Variants in PRRC2A observed in about 807,000 individuals in gnomAD.
PRRC2A encodes protein PRRC2A.
A neutral mutation model predicts 224.6 loss-of-function variants in PRRC2A; 59 were observed. The ratio of observed to expected loss-of-function variants is 0.26; its 90% CI spans 0.21 to 0.33. The LOEUF (loss-of-function observed/expected upper bound fraction) is 0.33. PRRC2A is among the 10% of genes least tolerant of loss of function. The probability of loss-of-function intolerance (pLI) is 1.00; values close to 1 mark genes in which losing one functional copy is unlikely to be tolerated. For missense variants in PRRC2A, 3,095 were observed against 2,880.7 expected (o/e 1.07, Z -1.70); for synonymous variants, 1,194 against 1,109.5 (o/e 1.08, Z -1.51).
In PRRC2A at chr6:31,636,988, G is replaced by A. The variant is rs751637257; in HGVS notation, c.6147+43G>A. 1.9e-6 allele frequency: 3 copies of A among 1,600,612 alleles called. No individual in the cohort carries two copies. Among genetic ancestry groups the A allele is most frequent in the Admixed American group, 3.4e-5 (2 of 59,056 alleles). On this transcript the variant is annotated intron_variant, in intron 28 of 30. Transcript: ENST00000376033. This position sits in a 1 kb window ranked among gnomAD's most constrained non-coding sequence, Gnocchi z 4.3. Reference sequence around the variant, plus strand: ...AGGGGCTAGGGAGCGCCAAGACTTGGGAGTAGGGATTCTGTATTTCAAGGT... The same window carrying A: ...AGGGGCTAGGGAGCGCCAAGACTTGAGAGTAGGGATTCTGTATTTCAAGGT...
Position 31,629,178 on chromosome 6 carries a change from A to C in PRRC2A, c.1800A>C (p.Glu600Asp). The stretch of plus-strand genomic sequence containing the variant: ...AACTGCCCTCAAAAGAGGGTCCTGA[A>C]CCACCAGAAGAGGTTCCTCCTCCTA... The part of the protein sequence containing the change: ...EPQLPSKEGP[E>D]PPEEVPPPTT... The change falls in exon 13 of 31, where the codon GAA (glutamate) becomes GAC (aspartate). Residue 600 changes from glutamate to aspartate, a missense_variant. Around this residue, in one of 8 missense-constraint regions of PRRC2A, gnomAD observed 2,001 missense variants for 1,764.9 expected, o/e 1.13. Transcript: ENST00000376033. The C allele has an allele frequency of 6.2e-7, 1 of 1,614,102 alleles. No homozygotes were observed. Among genetic ancestry groups the C allele is most frequent in the Non-Finnish European group, 8.5e-7 (1 of 1,180,016 alleles).
intron 3 of PRRC2A, 85 bp downstream of exon 3, chr6:31,623,994 C>T (rs1561795039): frequency 2.0e-6 from 3 of 1,487,536 alleles, no homozygotes; most frequent in Non-Finnish European, 2.7e-6. Flanking sequence ...AGTCCAGCCA[C>T]GTCTGAGCCA....
At position 31,634,917 on chromosome 6, in the gene PRRC2A, T is replaced by C; in HGVS notation, c.5100T>C (p.Gly1700=). 1 of 1,612,826 alleles carries C rather than the reference T, an allele frequency of 6.2e-7. No homozygotes were observed. The highest frequency in any genetic ancestry group is 8.5e-7 in the Non-Finnish European group (1 of 1,179,968). Residue 1700 remains glycine, a synonymous_variant, in exon 21 of 31, where the codon GGT becomes GGC. Coordinates refer to ENST00000376033, the MANE Select transcript of PRRC2A (RefSeq NM_004638.4). ...SSPLNAVPCE[G]PPGSEPPRRP... ...CCCTGAATGCTGTTCCTTGTGAGGG[T>C]CCACCTGGCTCTGAACCTCCTAGGA...
chr6:31,632,608 A>G lies in PRRC2A; in HGVS notation c.3935A>G (p.Gln1312Arg). 3 of 1,613,100 alleles carry G rather than the reference A, an allele frequency of 1.9e-6. No individual in the cohort carries two copies. The highest frequency in any genetic ancestry group is 2.5e-6 in the Non-Finnish European group (3 of 1,180,028). ...GCCAAGTCTCCTGATCTGTCAAACC[A>G]GAACTCAGACCAAGCCAATGAGGAA... ...AAAKSPDLSNQNSDQANEEWE... is the reference protein window; with the variant it reads ...AAAKSPDLSNRNSDQANEEWE... The change falls in exon 16 of 31, where the codon CAG becomes CGG. Residue 1312 changes from glutamine to arginine, a missense_variant. Physicochemically the swap from Gln to Arg is conservative, Grantham distance 43. Around this residue, in one of 8 missense-constraint regions of PRRC2A, gnomAD observed 2,001 missense variants for 1,764.9 expected, o/e 1.13. Coordinates refer to ENST00000376033, the MANE Select transcript of PRRC2A (RefSeq NM_004638.4).
At position 31,631,490 on chromosome 6, in the gene PRRC2A, A is replaced by C. The variant is rs926633712; in HGVS notation, c.2817A>C (p.Pro939=). Residue 939 remains proline, a synonymous_variant, in exon 16 of 31, where the codon CCA becomes CCC. Coordinates refer to ENST00000376033, the MANE Select transcript of PRRC2A (RefSeq NM_004638.4). This position sits in a 1 kb window ranked among gnomAD's most constrained non-coding sequence, Gnocchi z 4.5. ...RPGSSRRGIP[P]EEPGAPPRRA... is the part of the protein sequence containing the mutation. The stretch of plus-strand genomic sequence containing the variant: ...GGAGCAGTCGTCGTGGAATCCCTCC[A>C]GAGGAGCCAGGGGCCCCACCCCGCC... The C allele has an allele frequency of 1.2e-6, 2 of 1,608,450 alleles. No individual in the cohort carries two copies. The highest frequency in any genetic ancestry group is 3.4e-5 in the Admixed American group (2 of 58,806).
Position 31,636,333 on chromosome 6 carries a change from G to A in PRRC2A, c.5749G>A (p.Ala1917Thr). Residue 1917 changes from alanine to threonine, a missense_variant, in exon 26 of 31, where the codon GCT becomes ACT. Coordinates refer to ENST00000376033, the MANE Select transcript of PRRC2A (RefSeq NM_004638.4). This position sits in a 1 kb window ranked among gnomAD's most constrained non-coding sequence, Gnocchi z 4.3. Reference protein sequence around the residue: ...MQATELGKLPAGGVLYPPPSF... With the variant: ...MQATELGKLPTGGVLYPPPSF... The stretch of plus-strand genomic sequence containing the variant: ...AGCTACAGAGCTGGGGAAGTTGCCG[G>A]CTGGAGGAGTTCTCTACCCTCCACC... The A allele has an allele frequency of 6.2e-7, 1 of 1,612,978 alleles. No homozygotes were observed. The highest frequency in any genetic ancestry group is 8.5e-7 in the Non-Finnish European group (1 of 1,180,010).
At chr6:31,626,726 T>G (rs974781153) in intron 9 of PRRC2A, 46 bp from the exon 10 acceptor site, 1 of 1,507,808 alleles carries the variant, frequency 6.6e-7, no homozygotes, top group Non-Finnish European at 9.0e-7. Context: ...CTCCCAAGAT[T>G]GGAGGGCAGA....
In PRRC2A at chr6:31,625,043, C is replaced by T. The variant is rs3135044; in HGVS notation, c.464-128C>T. The T allele has an allele frequency of 0.39, 416,562 of 1,061,570 alleles. 87,903 individuals carry two copies. The highest frequency in any genetic ancestry group is 0.61 in the East Asian group (25,689 of 41,820). The allele number at this position is 1,061,570 out of a possible 1,614,324, so 65.8% of individuals were successfully genotyped here. On this transcript the variant is annotated intron_variant, in intron 5 of 30. Coordinates refer to ENST00000376033, the MANE Select transcript of PRRC2A (RefSeq NM_004638.4). This position sits in a 1 kb window ranked among gnomAD's most constrained non-coding sequence, Gnocchi z 4.1. ...TCGATCTCTTGACCTCGTGATCCGC[C>T]CGCCTCAGCCTCCCAGAGTGCTGGG...
chr6:31,631,655 C>T lies in PRRC2A; in HGVS notation c.2982C>T (p.Pro994=), dbSNP rs1776598969. 5.9e-6 allele frequency: 9 copies of T among 1,516,714 alleles called. No homozygotes were observed. The highest frequency in any genetic ancestry group is 7.9e-6 in the Non-Finnish European group (9 of 1,134,812). The allele number at this position is 1,516,714 out of a possible 1,614,324, so 94.0% of individuals were successfully genotyped here. ...LKITKGKLGG[P]KETPPNGNLS... ...TAACCAAGGGGAAGCTAGGGGGCCC[C>T]AAGGAGACCCCACCCAATGGAAATC... The change falls in exon 16 of 31, where the codon CCC becomes CCT. Residue 994 remains proline (P), a synonymous_variant. Coordinates refer to ENST00000376033, the MANE Select transcript of PRRC2A (RefSeq NM_004638.4). This position sits in a 1 kb window ranked among gnomAD's most constrained non-coding sequence, Gnocchi z 4.5.
In PRRC2A at chr6:31,625,020, G is replaced by A. The variant is rs1370031912; in HGVS notation, c.464-151G>A. On this transcript the variant is annotated intron_variant, in intron 5 of 30. Transcript: ENST00000376033. This position sits in a 1 kb window ranked among gnomAD's most constrained non-coding sequence, Gnocchi z 4.1. The stretch of plus-strand genomic sequence containing the variant: ...TTCACATGTTGGCCAGGATGGTCTC[G>A]ATCTCTTGACCTCGTGATCCGCCCG... 1.8e-5 allele frequency: 15 copies of A among 835,924 alleles called. No individual in the cohort carries two copies. Among genetic ancestry groups the A allele is most frequent in the Non-Finnish European group, 2.8e-5 (15 of 528,466 alleles). The allele number at this position is 835,924 out of a possible 1,614,324, so 51.8% of individuals were successfully genotyped here. A position where few individuals can be genotyped will look rare whatever the true frequency, so the allele number is the denominator to read the frequency against.
In PRRC2A at chr6:31,633,371, T is replaced by G. The variant is rs1561831952; in HGVS notation, c.4320-8T>G. 3 of 1,610,400 alleles carry G rather than the reference T, an allele frequency of 1.9e-6. No homozygotes were observed. The highest frequency in any genetic ancestry group is 8.5e-7 in the Non-Finnish European group (1 of 1,178,332). On this transcript the variant is annotated splice_polypyrimidine_tract_variant and splice_region_variant and intron_variant, in intron 16 of 30. Transcript: ENST00000376033. ...TGGATACTGGAGCTAATGCTCTGTT[T>G]TCTCCAGTCGTCCTCCAGAGGAGCG... is the stretch of plus-strand genomic sequence containing the variant.
intron 2 of PRRC2A, among the ~76,000 whole-genome samples, chr6:31,623,481 G>T (rs1775547869): frequency 6.6e-6 from 1 of 151,984 alleles, no homozygotes; most frequent in Non-Finnish European, 1.5e-5. Context: ...TGGTCAAGCT[G>T]GTCTTGAACT....
chr6:31,637,109 G>T lies in PRRC2A; in HGVS notation c.6215G>T (p.Gly2072Val). The T allele has an allele frequency of 6.2e-7, 1 of 1,611,228 alleles. No homozygotes were observed. ...QKLSSNLGGP[G>V]SSRTPPTGRS... ...CTGAGCAGCAACCTTGGGGGACCTG[G>T]ATCATCACGGACTCCCCCAACTGGA... Residue 2072 changes from glycine (G) to valine (V), a missense_variant, in exon 29 of 31, where the codon GGA (glycine) becomes GTA (valine). This residue lies in a region of PRRC2A where 662 missense variants were observed against 609.5 expected (regional missense o/e 1.09). Coordinates refer to ENST00000376033, the MANE Select transcript of PRRC2A (RefSeq NM_004638.4).
At position 31,625,264 on chromosome 6, in the gene PRRC2A, G is replaced by C; in HGVS notation, c.557G>C (p.Arg186Thr). The change falls in exon 6 of 31, where the codon AGG becomes ACG. Residue 186 changes from arginine (R) to threonine (T), a missense_variant. Coordinates refer to ENST00000376033, the MANE Select transcript of PRRC2A (RefSeq NM_004638.4). This position sits in a 1 kb window ranked among gnomAD's most constrained non-coding sequence, Gnocchi z 4.1. The stretch of plus-strand genomic sequence containing the variant: ...GACCAGGACAAGGCTGCCAAGGAAA[G>C]GGAGTCTGCCGAACAGTCGTCTGGG... The part of the protein sequence containing the change: ...AGDQDKAAKE[R>T]ESAEQSSGPG... 2 of 1,613,292 alleles carry C rather than the reference G, an allele frequency of 1.2e-6. No homozygotes were observed. Among genetic ancestry groups the C allele is most frequent in the South Asian group, 2.2e-5 (2 of 91,084 alleles).
In PRRC2A at chr6:31,637,077, T is replaced by C. The variant is rs775968757; in HGVS notation, c.6183T>C (p.Tyr2061=). Residue 2061 remains tyrosine (Y), a synonymous_variant, in exon 29 of 31, where the codon TAT becomes TAC. Transcript: ENST00000376033. The part of the protein sequence containing the change: ...HPVELKPFQD[Y]QKLSSNLGGP... ...TGGAACTAAAGCCGTTCCAGGATTA[T>C]CAAAAACTGAGCAGCAACCTTGGGG... The C allele has an allele frequency of 6.2e-7, 1 of 1,609,798 alleles. No homozygotes were observed. The highest frequency in any genetic ancestry group is 8.5e-7 in the Non-Finnish European group (1 of 1,178,518).
rs772468562 is a variant in PRRC2A, at chr6:31,629,257, C to T, written c.1879C>T (p.Arg627Cys). The T allele has an allele frequency of 1.9e-5, 31 of 1,610,816 alleles. No homozygotes were observed. The highest frequency in any genetic ancestry group is 1.1e-5 in the South Asian group (1 of 90,618). Residue 627 changes from arginine to cysteine, a missense_variant, in exon 13 of 31, where the codon CGC (arginine) becomes TGC (cysteine). Coordinates refer to ENST00000376033, the MANE Select transcript of PRRC2A (RefSeq NM_004638.4). ...CAAGGGTGATGGGATTGGTCCCACC[C>T]GCCAGCCCCCTAGTCAGGGCTTGGG... is the stretch of plus-strand genomic sequence containing the variant. ...EPKGDGIGPT[R>C]QPPSQGLGYP...
rs373808174 is a variant in PRRC2A at position 31,636,868 on chromosome 6, C to A, written c.6070C>A (p.Arg2024=). The change falls in exon 28 of 31, where the codon CGG becomes AGG. Residue 2024 remains arginine, a synonymous_variant. Coordinates refer to ENST00000376033, the MANE Select transcript of PRRC2A (RefSeq NM_004638.4). The surrounding 1 kb of genome is among the most constrained non-coding windows in gnomAD (Gnocchi z 4.3). ...PALQPPSLAV[R]PPPAPATRVL... ...TCTGCAGCCCCCCAGCCTGGCTGTG[C>A]GGCCCCCACCTGCTCCTGCTACTCG... 1.1e-5 allele frequency: 18 copies of A among 1,612,688 alleles called. No homozygotes were observed. Among genetic ancestry groups the A allele is most frequent in the Non-Finnish European group, 1.5e-5 (18 of 1,180,008 alleles).
rs141153018 is a variant in PRRC2A at position 31,632,942 on chromosome 6, C to T, written c.4269C>T (p.Thr1423=). Residue 1423 remains threonine (T), a synonymous_variant, in exon 16 of 31, where the codon ACC becomes ACT. Coordinates refer to ENST00000376033, the MANE Select transcript of PRRC2A (RefSeq NM_004638.4). Reference sequence around the variant, plus strand: ...GCGGTGGGGGTCCTGGAGGAAGGACCGGGCCAGGACGAGGCGACAAGAGGA... The same window carrying T: ...GCGGTGGGGGTCCTGGAGGAAGGACTGGGCCAGGACGAGGCGACAAGAGGA... ...GGGGGGPGGR[T]GPGRGDKRSW... is the part of the protein sequence containing the mutation. The T allele has an allele frequency of 2.9e-5, 47 of 1,607,586 alleles. No homozygotes were observed. Among genetic ancestry groups the T allele is most frequent in the Non-Finnish European group, 3.7e-5 (43 of 1,176,648 alleles).
In PRRC2A at chr6:31,632,808, G is replaced by A. The variant is rs752523990; in HGVS notation, c.4135G>A (p.Asp1379Asn). The A allele has an allele frequency of 1.2e-6, 2 of 1,613,164 alleles. No individual in the cohort carries two copies. Among genetic ancestry groups the A allele is most frequent in the Non-Finnish European group, 1.7e-6 (2 of 1,180,028 alleles). ...CGGAGATCTGAGCCAGAGAGCCAAG[G>A]ATTTGAGTAAACGGAGCTTCTCAAG... ...SRGDLSQRAK[D>N]LSKRSFSSQR... The change falls in exon 16 of 31, where the codon GAT becomes AAT. Residue 1379 changes from aspartate to asparagine, a missense_variant. Physicochemically the swap from Asp to Asn is conservative, Grantham distance 23. This residue lies in a region of PRRC2A where 2,001 missense variants were observed against 1,764.9 expected (regional missense o/e 1.13). Transcript: ENST00000376033.
Sources: allele counts gnomAD v4.1 joint callset (sites outside exome capture counted in the v4.1 genomes callset), GRCh38; gene constraint gnomAD v4.1.1; regional missense constraint gnomAD v4.1.1; non-coding constraint Gnocchi (gnomAD v3.1); transcripts MANE v1.5; gene names NCBI Gene and HGNC (gene_info 2026-07-23, HGNC 2026-07-21).